The following ST6GAL1 variants were observed in gnomAD, a reference collection of about 807,000 sequenced individuals.
The protein encoded by ST6GAL1 is beta-galactoside alpha-2,6-sialyltransferase 1.
Under a neutral mutation model 38.0 loss-of-function variants are expected in ST6GAL1, and 20 were observed. That is an observed-to-expected ratio of 0.53 (90% confidence interval 0.37 to 0.77). ST6GAL1 has a LOEUF of 0.77. ST6GAL1 is among the 30% of genes least tolerant of loss of function. ST6GAL1 has a pLI of 0.00. For synonymous variants in ST6GAL1, 196 were observed against 188.2 expected (o/e 1.04, Z -0.34); for missense variants, 432 against 496.4 (o/e 0.87, Z 1.23).
chr3:186,965,579 A>G (rs554821515), intron 2 of ST6GAL1, among the ~76,000 whole-genome samples: 2 of 152,244 alleles, frequency 1.3e-5, no homozygotes, highest in South Asian at 4.1e-4. Context: ...CTGGTCCCAC[A>G]CCCTCATTTT....
intron 2 of ST6GAL1, among the ~76,000 whole-genome samples, chr3:187,025,013 G>GTGTC (rs1553827946): frequency 2.0e-5 from 3 of 151,280 alleles, no homozygotes; most frequent in Admixed American, 6.6e-5. Flanking sequence ...GTGTGTGTGT[G>GTGTC]TGTGTGTCTG....
intron 1 of ST6GAL1, among the ~76,000 whole-genome samples, chr3:186,959,601 G>A (rs1374806317): frequency 1.3e-5 from 2 of 152,166 alleles, no homozygotes; most frequent in Non-Finnish European, 2.9e-5. Flanking sequence ...TGTTGGATCT[G>A]GGCTCCCCAT....
chr3:187,052,658 T>C (rs1212371987), intron 5 of ST6GAL1, among the ~76,000 whole-genome samples: 1 of 152,236 alleles, frequency 6.6e-6, no homozygotes, highest in East Asian at 1.9e-4. Flanking sequence ...TAGTATTCCA[T>C]GGTGTATACA....
intron 1 of ST6GAL1, among the ~76,000 whole-genome samples, chr3:186,953,613 A>G (rs747182584): frequency 6.6e-6 from 1 of 152,142 alleles, no homozygotes; most frequent in Non-Finnish European, 1.5e-5. Flanking sequence ...TTTTCTCACT[A>G]GGAACTTGCT....
At position 187,042,905 on chromosome 3, in the gene ST6GAL1, A is replaced by T. The variant is rs778777723; in HGVS notation, c.202A>T (p.Thr68Ser). 2 of 1,614,176 alleles carry T rather than the reference A, an allele frequency of 1.2e-6. No individual in the cohort carries two copies. Among genetic ancestry groups the T allele is most frequent in the African/African-American group, 2.7e-5 (2 of 75,036 alleles). Residue 68 changes from threonine (T) to serine (S), a missense_variant, in exon 4 of 8, where the codon ACC becomes TCC. Coordinates refer to ENST00000169298, the MANE Select transcript of ST6GAL1 (RefSeq NM_173216.2). The part of the protein sequence containing the change: ...SDSQSVSSSS[T>S]QDPHRGRQTL... The stretch of plus-strand genomic sequence containing the variant: ...TTCCCAGTCTGTATCCTCAAGCAGC[A>T]CCCAGGACCCCCACAGGGGCCGCCA...
chr3:186,937,916 T>C, intron 1 of ST6GAL1, among the ~76,000 whole-genome samples: 1 of 151,898 alleles, frequency 6.6e-6, no homozygotes, highest in East Asian at 1.9e-4. Context: ...CTACCAAAAA[T>C]ACAAAAAAAC....
At chr3:187,033,429 T>C (rs1224379010) in intron 2 of ST6GAL1, among the ~76,000 whole-genome samples, 1 of 152,080 alleles carries the variant, frequency 6.6e-6, no homozygotes, top group Non-Finnish European at 1.5e-5. Flanking sequence ...AATAAAATAA[T>C]AAAGGAATTC....
chr3:186,982,009 C>T lies in ST6GAL1; in HGVS notation c.-183+18083C>T, dbSNP rs192242349. On this transcript the variant is annotated intron_variant, in intron 2 of 7. Coordinates refer to ENST00000169298, the MANE Select transcript of ST6GAL1 (RefSeq NM_173216.2). The stretch of plus-strand genomic sequence containing the variant: ...CCTAACAACTCTATGATAGCAGTCA[C>T]GCTATGATACAGGTCACACTGGTAT... Among the ~76,000 whole-genome samples, 19 of 152,294 alleles carry T rather than the reference C, an allele frequency of 1.2e-4. 1 individual carries two copies. Among genetic ancestry groups the T allele is most frequent in the Admixed American group, 1.0e-3 (16 of 15,296 alleles).
At chr3:187,000,395 CAAAA>C (rs370577965) in intron 2 of ST6GAL1, among the ~76,000 whole-genome samples, 10 of 123,478 alleles carry the variant, frequency 8.1e-5, no homozygotes, top group African/African-American at 1.2e-4. Flanking sequence ...ACTAAAAATA[CAAAA>C]AAAAAAAAAA....
At position 187,042,906 on chromosome 3, in the gene ST6GAL1, C is replaced by T. The variant is rs771931718; in HGVS notation, c.203C>T (p.Thr68Ile). The change falls in exon 4 of 8, where the codon ACC (threonine) becomes ATC (isoleucine). Residue 68 changes from threonine (T) to isoleucine (I), a missense_variant. By Grantham distance (89) the Thr-to-Ile change is moderately conservative. Transcript: ENST00000169298. ...TCCCAGTCTGTATCCTCAAGCAGCA[C>T]CCAGGACCCCCACAGGGGCCGCCAG... ...SDSQSVSSSS[T>I]QDPHRGRQTL... 4.3e-6 allele frequency: 7 copies of T among 1,614,048 alleles called. No homozygotes were observed. The highest frequency in any genetic ancestry group is 4.5e-5 in the East Asian group (2 of 44,900).
intron 1 of ST6GAL1, among the ~76,000 whole-genome samples, chr3:186,935,344 T>C (rs773666906): frequency 2.6e-5 from 4 of 151,666 alleles, no homozygotes; most frequent in Non-Finnish European, 5.9e-5. Flanking sequence ...GATCTCATTC[T>C]TTTTTATGGC....
chr3:187,034,128 C>A (rs566473833), intron 2 of ST6GAL1, among the ~76,000 whole-genome samples: 1 of 146,418 alleles, frequency 6.8e-6, no homozygotes, highest in African/African-American at 2.6e-5. Flanking sequence ...ACTATTAATA[C>A]CTCTGTTCAC....
intron 1 of ST6GAL1, among the ~76,000 whole-genome samples, chr3:186,937,232 A>G (rs56405299): frequency 0.24 from 36,198 of 152,088 alleles, 4,535 homozygotes; most frequent in Middle Eastern, 0.32. Flanking sequence ...CGTCACCCAT[A>G]TCAGCTGTTC....
At chr3:187,073,996 C>T in intron 6 of ST6GAL1, 163 bp from the exon 7 acceptor site, 1 of 580,940 alleles carries the variant, frequency 1.7e-6, no homozygotes, top group South Asian at 3.5e-5. Flanking sequence ...AAACCTGCGG[C>T]TGGAAGAGAA....
intron 1 of ST6GAL1, among the ~76,000 whole-genome samples, chr3:186,958,958 A>AG (rs889934983): frequency 1.2e-5 from 1 of 84,344 alleles, no homozygotes; most frequent in African/African-American, 4.4e-5. Context: ...ATCTCAAAAA[A>AG]AAAAAAAAAT....
intron 2 of ST6GAL1, among the ~76,000 whole-genome samples, chr3:186,975,399 A>T (rs1343484465): frequency 2.0e-5 from 3 of 152,224 alleles, no homozygotes; most frequent in Non-Finnish European, 4.4e-5. Context: ...TGAGGGTCCT[A>T]GTATTAGATG....
chr3:187,024,293 A>T (rs1179959425), intron 2 of ST6GAL1, among the ~76,000 whole-genome samples: 1 of 151,398 alleles, frequency 6.6e-6, no homozygotes, highest in Admixed American at 6.6e-5. Context: ...CGGGGGTTTC[A>T]CCATGTTAGC....
intron 1 of ST6GAL1, among the ~76,000 whole-genome samples, chr3:186,942,011 CAAAA>C (rs550968645): frequency 7.9e-6 from 1 of 126,862 alleles, no homozygotes; most frequent in African/African-American, 2.8e-5. Context: ...GACTCCGTCT[CAAAA>C]AAAAAAAAAA....
chr3:187,021,492 C>A (rs1258437673), intron 2 of ST6GAL1, among the ~76,000 whole-genome samples: 4 of 151,980 alleles, frequency 2.6e-5, no homozygotes, highest in African/African-American at 9.7e-5. Context: ...GTAATCCCAG[C>A]ACTTTGGGAG....
Sources: gnomAD v4.1 joint callset for allele counts (sites outside exome capture counted in the v4.1 genomes callset) on GRCh38, gnomAD v4.1.1 for gene constraint, MANE v1.5 for transcripts, NCBI Gene and HGNC (gene_info 2026-07-23, HGNC 2026-07-21) for gene names.